TNIK: variants seen among roughly 807,000 people sequenced by gnomAD.
TNIK encodes TRAF2 and NCK interacting kinase.
In TNIK, 49 loss-of-function variants were observed where a neutral mutation model predicts 191.3. That is an observed-to-expected ratio of 0.26 (90% confidence interval 0.20 to 0.32). The LOEUF (loss-of-function observed/expected upper bound fraction) is 0.32. TNIK is among the 10% of genes least tolerant of loss of function. The pLI, the probability that TNIK is intolerant of heterozygous loss-of-function variation, is 1.00. For missense variants in TNIK, 1,155 were observed against 1,702.3 expected, an observed-to-expected ratio of 0.68 and a Z score of 5.66; for synonymous variants, 594 against 600.9, an observed-to-expected ratio of 0.99 and a Z score of 0.17.
chr3:171,182,167 ATTTTTTTTTTTTTTT>A (rs749734562), intron 7 of TNIK, among the ~76,000 whole-genome samples: 27 of 65,630 alleles, frequency 4.1e-4, no homozygotes, highest in South Asian at 6.5e-4. Flanking sequence ...CATTGTTAGG[ATTTTTTTTTTTTTTT>A]TTTTTTTTTT....
At chr3:171,235,488 TC>T (rs960916200) in intron 2 of TNIK, among the ~76,000 whole-genome samples, 1 of 152,136 alleles carries the variant, frequency 6.6e-6, no homozygotes, top group Non-Finnish European at 1.5e-5. Context: ...ACAATAGCCT[TC>T]CCTATCCCCT....
chr3:171,163,535 T>C (rs1734260445), intron 10 of TNIK, among the ~76,000 whole-genome samples: 1 of 152,172 alleles, frequency 6.6e-6, no homozygotes, highest in African/African-American at 2.4e-5. Context: ...CTTCATACAT[T>C]TAGGTATGTA....
chr3:171,087,044 T>C (rs530710065), intron 24 of TNIK, among the ~76,000 whole-genome samples: 13 of 152,306 alleles, frequency 8.5e-5, no homozygotes, highest in Admixed American at 2.6e-4. Context: ...GAGGTCCCAG[T>C]TCTGGTCTTA....
intron 1 of TNIK, among the ~76,000 whole-genome samples, chr3:171,372,673 A>T (rs1304655763): frequency 2.6e-5 from 4 of 152,176 alleles, no homozygotes; most frequent in Non-Finnish European, 4.4e-5. Context: ...TAACAATCTT[A>T]GGTGAACTGA....
At chr3:171,273,665 A>G (rs1749394486) in intron 2 of TNIK, among the ~76,000 whole-genome samples, 1 of 152,180 alleles carries the variant, frequency 6.6e-6, no homozygotes, top group African/African-American at 2.4e-5. Context: ...CTATAGCTTA[A>G]TAACTTTTTA....
At chr3:171,343,279 G>T (rs879406550) in intron 2 of TNIK, among the ~76,000 whole-genome samples, 119 of 152,242 alleles carry the variant, frequency 7.8e-4, no homozygotes, top group Admixed American at 1.4e-3. Context: ...CATTTTGATA[G>T]TATGTTACTT....
intron 18 of TNIK, among the ~76,000 whole-genome samples, chr3:171,119,804 G>T (rs1269603465): frequency 6.6e-6 from 1 of 151,990 alleles, no homozygotes; most frequent in Admixed American, 6.6e-5. Flanking sequence ...TTGTGGGGTT[G>T]GGGGGAGGGA....
Position 171,214,388 on chromosome 3 carries a change from T to A in TNIK, c.181-3147A>T, listed in dbSNP as rs113996512. 3.1e-3 allele frequency among the ~76,000 whole-genome samples: 478 copies of A among 152,260 alleles called. 1 individual carries two copies. Among genetic ancestry groups the A allele is most frequent in the African/African-American group, 0.011 (462 of 41,538 alleles). Reference sequence around the variant, plus strand: ...AGTGAAAAAGTTATAGCCCCATGAATCATCATGTATCTTTTCCTTTGTAGC... The same window carrying A: ...AGTGAAAAAGTTATAGCCCCATGAAACATCATGTATCTTTTCCTTTGTAGC... On this transcript the variant is annotated intron_variant, in intron 3 of 32. Coordinates refer to ENST00000436636, the MANE Select transcript of TNIK (RefSeq NM_015028.4).
chr3:171,101,657 C>G (rs755286673), intron 21 of TNIK, 24 bp from the exon 22 acceptor site: 2 of 1,609,118 alleles, frequency 1.2e-6, no homozygotes, highest in Admixed American at 3.4e-5. Flanking sequence ...ATTTGTTCAG[C>G]ATATGAGTGG....
At chr3:171,439,342 T>C (rs1726452603) in intron 1 of TNIK, among the ~76,000 whole-genome samples, 1 of 138,086 alleles carries the variant, frequency 7.2e-6, no homozygotes, top group Non-Finnish European at 1.5e-5. Flanking sequence ...AGACTCTGTC[T>C]CAAAAAAAAA....
rs1340572907 is a variant in TNIK, at chr3:171,369,600, C to T, written c.123+20G>A. On this transcript the variant is annotated intron_variant, in intron 2 of 32. Coordinates refer to ENST00000436636, the MANE Select transcript of TNIK (RefSeq NM_015028.4). Reference sequence around the variant, plus strand: ...GAACTGAAACCGTACATAAGCCACTCTCAGACTCAATGTACTTACCTTATA... The same window carrying T: ...GAACTGAAACCGTACATAAGCCACTTTCAGACTCAATGTACTTACCTTATA... 1 of 1,560,912 alleles carries T rather than the reference C, an allele frequency of 6.4e-7. No homozygotes were observed. The highest frequency in any genetic ancestry group is 1.2e-5 in the South Asian group (1 of 84,240).
intron 4 of TNIK, among the ~76,000 whole-genome samples, chr3:171,197,625 T>C (rs570237347): frequency 4.3e-4 from 66 of 152,294 alleles, no homozygotes; most frequent in African/African-American, 1.5e-3. Context: ...AAAGAAGATA[T>C]ACAAATGGCT....
At position 171,460,363 on chromosome 3, in the gene TNIK, G is replaced by T; in HGVS notation, c.-300C>A. ...GCGTGGGTGTATTTAAATGGGACAT[G>T]CTTCTTTGCTTGTGCGTGGATGGCG... is the stretch of plus-strand genomic sequence containing the variant. On this transcript the variant is annotated 5_prime_UTR_variant, in exon 1 of 33. Transcript: ENST00000436636. This position sits in a 1 kb window ranked among gnomAD's most constrained non-coding sequence, Gnocchi z 6.8. 1 of 489,602 alleles carries T rather than the reference G, an allele frequency of 2.0e-6. No homozygotes were observed. Among genetic ancestry groups the T allele is most frequent in the Non-Finnish European group, 3.7e-6 (1 of 273,178 alleles). 30.3% of individuals were successfully genotyped at this position (489,602 alleles called of 1,614,324 possible).
intron 23 of TNIK, among the ~76,000 whole-genome samples, chr3:171,092,379 C>G (rs1722191386): frequency 6.6e-6 from 1 of 152,162 alleles, no homozygotes; most frequent in Non-Finnish European, 1.5e-5. Context: ...GAGGTATTGA[C>G]TCTGTCATAA....
intron 2 of TNIK, among the ~76,000 whole-genome samples, chr3:171,358,454 G>T (rs565086582): frequency 6.6e-6 from 1 of 152,106 alleles, no homozygotes; most frequent in African/African-American, 2.4e-5. Context: ...TTCACTACAC[G>T]AGAACAGTAT....
At chr3:171,435,337 T>C (rs916746965) in intron 1 of TNIK, among the ~76,000 whole-genome samples, 3 of 152,116 alleles carry the variant, frequency 2.0e-5, no homozygotes, top group African/African-American at 7.2e-5. Context: ...ACCTCCCCCA[T>C]GCTGGGGAAG....
chr3:171,410,105 G>C (rs1722191190), intron 1 of TNIK, among the ~76,000 whole-genome samples: 1 of 152,040 alleles, frequency 6.6e-6, no homozygotes, highest in South Asian at 2.1e-4. Flanking sequence ...AATCCTAAAA[G>C]AACTTTGATA....
intron 29 of TNIK, among the ~76,000 whole-genome samples, chr3:171,070,965 C>G (rs976655615): frequency 6.6e-6 from 1 of 152,154 alleles, no homozygotes; most frequent in Non-Finnish European, 1.5e-5. Context: ...TGCCTACTAA[C>G]CATTCTAAAT....
chr3:171,448,115 T>C (rs569135038), intron 1 of TNIK, among the ~76,000 whole-genome samples: 4 of 152,252 alleles, frequency 2.6e-5, no homozygotes, highest in South Asian at 4.1e-4. Context: ...TGGGGGATAA[T>C]TGTTCAGTAG....
Sources: gnomAD v4.1 joint callset for allele counts (sites outside exome capture counted in the v4.1 genomes callset) on GRCh38, gnomAD v4.1.1 for gene constraint, Gnocchi (gnomAD v3.1) non-coding constraint, MANE v1.5 for transcripts, NCBI Gene and HGNC (gene_info 2026-07-23, HGNC 2026-07-21) for gene names.